RCOR1: variants seen among roughly 807,000 people sequenced by gnomAD.
RCOR1 encodes REST corepressor 1.
Under a neutral mutation model 64.0 loss-of-function variants are expected in RCOR1, and 12 were observed. That is an observed-to-expected ratio of 0.19 (90% CI 0.12 to 0.30). The LOEUF (loss-of-function observed/expected upper bound fraction) is 0.30, where lower values mean the gene tolerates loss of function less well. Among genes scored for constraint, RCOR1 ranks in the 10% least tolerant of loss-of-function variants. RCOR1 has a pLI of 1.00. For synonymous variants in RCOR1, 279 were observed against 227.2 expected, an observed-to-expected ratio of 1.23 and a Z score of -2.05; for missense variants, 502 against 621.2, an observed-to-expected ratio of 0.81 and a Z score of 2.04.
At position 102,615,091 on chromosome 14, in the gene RCOR1, A is replaced by T. The variant is rs559629680; in HGVS notation, c.361+21766A>T. Reference sequence around the variant, plus strand: ...CGTGATGTGCCCGCCTTGGCCTCCCAAAGTGCTGGGATTACAGGCGTGAGC... The same window carrying T: ...CGTGATGTGCCCGCCTTGGCCTCCCTAAGTGCTGGGATTACAGGCGTGAGC... On this transcript the variant is annotated intron_variant, in intron 2 of 11. Transcript: ENST00000262241. Among the ~76,000 whole-genome samples the T allele has an allele frequency of 1.0e-3, 157 of 151,374 alleles. 1 individual carries two copies. In the South Asian group the frequency reaches 0.011, roughly 11 times the overall value.
At chr14:102,632,878 T>A (rs1399150686) in intron 2 of RCOR1, among the ~76,000 whole-genome samples, 1 of 150,464 alleles carries the variant, frequency 6.6e-6, no homozygotes, top group East Asian at 2.0e-4. Context: ...GTGAAGTGAT[T>A]ATAGCCCCCT....
At chr14:102,661,806 T>C (rs1894828723) in intron 2 of RCOR1, among the ~76,000 whole-genome samples, 1 of 152,140 alleles carries the variant, frequency 6.6e-6, no homozygotes, top group African/African-American at 2.4e-5. Context: ...GCCCAGGCTC[T>C]ATTGCAATGG....
chr14:102,713,849 TA>T (rs1440525176), intron 7 of RCOR1, among the ~76,000 whole-genome samples: 2 of 152,250 alleles, frequency 1.3e-5, no homozygotes, highest in African/African-American at 4.8e-5. Context: ...TGAGCAATTA[TA>T]AAAACTTCTT....
In RCOR1 at chr14:102,710,998, G is replaced by C. The variant is rs377362785; in HGVS notation, c.843G>C (p.Lys281Asn). 20 of 1,602,610 alleles carry C rather than the reference G, an allele frequency of 1.2e-5. No individual in the cohort carries two copies. Among genetic ancestry groups the C allele is most frequent in the Non-Finnish European group, 1.7e-5 (20 of 1,176,752 alleles). ...NPIDIEVDQN[K>N]ESKKEVPPTE... ...TTGACATTGAGGTTGATCAAAACAA[G>C]GAAAGCAAAAAGGAGGTATTTTTTC... Residue 281 changes from lysine to asparagine, a missense_variant, in exon 7 of 12, where the codon AAG (lysine) becomes AAC (asparagine). Lys to Asn is a moderately conservative substitution (Grantham distance 94, BLOSUM62 0). Coordinates refer to ENST00000262241, the MANE Select transcript of RCOR1 (RefSeq NM_015156.4).
Position 102,632,208 on chromosome 14 carries a change from C to T in RCOR1, c.361+38883C>T, listed in dbSNP as rs796669270. ...CTTTGAATTTCCTGAGAAATAATTT[C>T]GTTTGTTGGGTTTTTTTTTTTTTTT... On this transcript the variant is annotated intron_variant, in intron 2 of 11. Coordinates refer to ENST00000262241, the MANE Select transcript of RCOR1 (RefSeq NM_015156.4). Among the ~76,000 whole-genome samples the T allele has an allele frequency of 3.1e-5, 4 of 130,558 alleles. No individual in the cohort carries two copies. The South Asian group carries it at 7.9e-4, about 26-fold the overall frequency. The allele number at this position is 130,558 out of a possible 152,430, so 85.7% of individuals were successfully genotyped here. A position where few individuals can be genotyped will look rare whatever the true frequency, so the allele number is the denominator to read the frequency against.
At chr14:102,598,651 T>C (rs999335003) in intron 2 of RCOR1, among the ~76,000 whole-genome samples, 6 of 151,928 alleles carry the variant, frequency 3.9e-5, no homozygotes, top group African/African-American at 1.4e-4. Context: ...GGTTCCACCA[T>C]GTTAGCCAGG....
chr14:102,602,394 C>CTT (rs66743592), intron 2 of RCOR1, among the ~76,000 whole-genome samples: 9 of 104,228 alleles, frequency 8.6e-5, no homozygotes, highest in African/African-American at 2.6e-4. Flanking sequence ...CTTTTCTTTT[C>CTT]TTTTTTTTTT....
intron 2 of RCOR1, among the ~76,000 whole-genome samples, chr14:102,611,051 T>G (rs1212858315): frequency 1.3e-5 from 2 of 152,122 alleles, no homozygotes; most frequent in African/African-American, 4.8e-5. Context: ...AATGGAAAGC[T>G]TAGGAGAGCT....
chr14:102,682,961 G>T (rs891805526), intron 3 of RCOR1, among the ~76,000 whole-genome samples: 5 of 152,102 alleles, frequency 3.3e-5, no homozygotes, highest in Non-Finnish European at 5.9e-5. Context: ...TGTTCATTTA[G>T]CCTGTTAGCC....
At position 102,673,692 on chromosome 14, in the gene RCOR1, C is replaced by T. The variant is rs867577271; in HGVS notation, c.362-8203C>T. On this transcript the variant is annotated intron_variant, in intron 2 of 11. Coordinates refer to ENST00000262241, the MANE Select transcript of RCOR1 (RefSeq NM_015156.4). ...GTGCAATGGCACGATCTCGGCTCAC[C>T]GCAACCTCCGCCTCCCGGGTTCAAG... 4.5e-4 allele frequency among the ~76,000 whole-genome samples: 68 copies of T among 150,476 alleles called. No individual in the cohort carries two copies. In the Middle Eastern group the frequency reaches 0.011, roughly 24 times the overall value.
intron 2 of RCOR1, among the ~76,000 whole-genome samples, chr14:102,618,826 A>T (rs1595196937): frequency 6.6e-6 from 1 of 151,984 alleles, no homozygotes; most frequent in Non-Finnish European, 1.5e-5. Flanking sequence ...ATGGGGTGAG[A>T]TGGTTGAAAT....
chr14:102,598,707 C>A (rs1252922471), intron 2 of RCOR1, among the ~76,000 whole-genome samples: 1 of 152,156 alleles, frequency 6.6e-6, no homozygotes, highest in Non-Finnish European at 1.5e-5. Context: ...CTCGGCCTCC[C>A]AGAGTGCTGG....
chr14:102,655,110 CTT>C (rs67404203), intron 2 of RCOR1: 8,689 of 104,408 alleles, frequency 0.083, 530 homozygotes, highest in African/African-American at 0.22. Context: ...CGCGGACAAC[CTT>C]TTTTTTTTTT....
intron 2 of RCOR1, among the ~76,000 whole-genome samples, chr14:102,661,553 G>A (rs1385857191): frequency 6.6e-6 from 1 of 152,128 alleles, no homozygotes; most frequent in African/African-American, 2.4e-5. Flanking sequence ...TTAGTCAACA[G>A]TATAATTATG....
chr14:102,628,556 T>G (rs1852793687), intron 2 of RCOR1, among the ~76,000 whole-genome samples: 1 of 151,348 alleles, frequency 6.6e-6, no homozygotes, highest in Non-Finnish European at 1.5e-5. Flanking sequence ...AAAAAAGCCT[T>G]ACTAATAAAA....
chr14:102,618,677 C>G (rs969805064), intron 2 of RCOR1, among the ~76,000 whole-genome samples: 1 of 152,166 alleles, frequency 6.6e-6, no homozygotes, highest in African/African-American at 2.4e-5. Flanking sequence ...GACGTTTGTA[C>G]ATTTTAGAAA....
intron 2 of RCOR1, among the ~76,000 whole-genome samples, chr14:102,623,108 G>A (rs149559403): frequency 0.014 from 2,204 of 152,066 alleles, 48 homozygotes; most frequent in African/African-American, 0.051. Context: ...CATCTTAAAA[G>A]CACATCTTTG....
intron 2 of RCOR1, among the ~76,000 whole-genome samples, chr14:102,608,759 T>G (rs1012742629): frequency 6.6e-6 from 1 of 151,074 alleles, no homozygotes; most frequent in African/African-American, 2.4e-5. Context: ...GAGACGGGGT[T>G]TGTTTATGTT....
At position 102,594,656 on chromosome 14, in the gene RCOR1, C is replaced by T. The variant is rs1419203008; in HGVS notation, c.361+1331C>T. Among the ~76,000 whole-genome samples the T allele has an allele frequency of 3.9e-5, 6 of 151,938 alleles. No individual in the cohort carries two copies. In the East Asian group the frequency reaches 9.6e-4, roughly 24 times the overall value. ...TGTTTTTGATAGTTTCCTCTTCTCC[C>T]CAATTCTTTTTTTTTTTTTTGGTAG... On this transcript the variant is annotated intron_variant, in intron 2 of 11. Transcript: ENST00000262241.
Sources: allele counts gnomAD v4.1 joint callset (sites outside exome capture counted in the v4.1 genomes callset), GRCh38; gene constraint gnomAD v4.1.1; transcripts MANE v1.5; gene names NCBI Gene and HGNC (gene_info 2026-07-23, HGNC 2026-07-21).